The following CRMP1 variants were observed in gnomAD, a reference collection of about 807,000 sequenced individuals.
CRMP1 encodes the protein dihydropyrimidinase-related protein 1.
Under a neutral mutation model 68.3 loss-of-function variants are expected in CRMP1, and 19 were observed. The ratio of observed to expected loss-of-function variants is 0.28; its 90% CI spans 0.19 to 0.41. The LOEUF is 0.41. CRMP1 is among the 10% of genes least tolerant of loss of function. CRMP1 has a pLI of 1.00. For missense variants in CRMP1, 791 were observed against 967.4 expected (o/e 0.82, Z 2.42); for synonymous variants, 439 against 399.6 (o/e 1.10, Z -1.18).
Position 5,825,559 on chromosome 4 carries a change from G to A in CRMP1, c.1904C>T (p.Ser635Phe). 1 of 1,598,550 alleles carries A rather than the reference G, an allele frequency of 6.3e-7. No homozygotes were observed. Among genetic ancestry groups the A allele is most frequent in the Non-Finnish European group, 8.5e-7 (1 of 1,174,830 alleles). Reference sequence around the variant, plus strand: ...TGGGGGCTGGTGTTTAGAAGGCGAAGATTTGGCTGAAGGAGCGGGAGTTGC... The same window carrying A: ...TGGGGGCTGGTGTTTAGAAGGCGAAAATTTGGCTGAAGGAGCGGGAGTTGC... The part of the protein sequence containing the change: ...KYATPAPSAK[S>F]SPSKHQPPPI... The change falls in exon 13 of 14, where the codon TCT (serine) becomes TTT (phenylalanine). Residue 635 changes from serine (S) to phenylalanine (F), a missense_variant. Physicochemically the swap from Ser to Phe is radical, Grantham distance 155 (BLOSUM62 -2). Transcript: ENST00000324989. This position sits in a 1 kb window ranked among gnomAD's most constrained non-coding sequence, Gnocchi z 4.4.
At chr4:5,852,049 G>T (rs942483618) in intron 4 of CRMP1, among the ~76,000 whole-genome samples, 3 of 152,214 alleles carry the variant, frequency 2.0e-5, no homozygotes, top group Admixed American at 6.5e-5. Context: ...AGGGAGGGGT[G>T]TGGTAAGGAT....
rs531233375 is a variant in CRMP1 at position 5,881,777 on chromosome 4, C to T, written c.381+10812G>A. 1.3e-5 allele frequency among the ~76,000 whole-genome samples: 2 copies of T among 152,224 alleles called. No individual in the cohort carries two copies. Among genetic ancestry groups the T allele is most frequent in the African/African-American group, 2.4e-5 (1 of 41,540 alleles). On this transcript the variant is annotated intron_variant, in intron 1 of 13. Coordinates refer to ENST00000324989, the MANE Select transcript of CRMP1 (RefSeq NM_001014809.3). This position sits in a 1 kb window ranked among gnomAD's most constrained non-coding sequence, Gnocchi z 4.6. Reference sequence around the variant, plus strand: ...CGCTGATCAAAATTTAGCCACACATCGGCAGAGAATTTTTTTGAGTACACC... The same window carrying T: ...CGCTGATCAAAATTTAGCCACACATTGGCAGAGAATTTTTTTGAGTACACC...
intron 11 of CRMP1, 123 bp downstream of exon 11, chr4:5,835,792 A>G: frequency 8.7e-7 from 1 of 1,150,380 alleles, no homozygotes; most frequent in Non-Finnish European, 1.1e-6. Context: ...GGAATGACTG[A>G]GTCAGGCTAG....
At position 5,889,512 on chromosome 4, in the gene CRMP1, C is replaced by G. The variant is rs1715841889; in HGVS notation, c.381+3077G>C. The G allele has an allele frequency of 9.3e-6, 14 of 1,498,830 alleles. No individual in the cohort carries two copies. The highest frequency in any genetic ancestry group is 2.8e-5 in the African/African-American group (2 of 72,110). 92.8% of individuals were successfully genotyped at this position (1,498,830 alleles called of 1,614,324 possible). The stretch of plus-strand genomic sequence containing the variant: ...AGCCAGGTCACAGCTTGACAAGGTC[C>G]GTAACAGCAGAGGGGAAAAGATGAA... On this transcript the variant is annotated intron_variant, in intron 1 of 13. Coordinates refer to ENST00000324989, the MANE Select transcript of CRMP1 (RefSeq NM_001014809.3). This position sits in a 1 kb window ranked among gnomAD's most constrained non-coding sequence, Gnocchi z 4.5.
Position 5,890,380 on chromosome 4 carries a change from C to T in CRMP1, c.381+2209G>A, listed in dbSNP as rs1715883993. Among the ~76,000 whole-genome samples the T allele has an allele frequency of 6.6e-6, 1 of 152,172 alleles. No homozygotes were observed. Among genetic ancestry groups the T allele is most frequent in the South Asian group, 2.1e-4 (1 of 4,828 alleles). On this transcript the variant is annotated intron_variant, in intron 1 of 13. Coordinates refer to ENST00000324989, the MANE Select transcript of CRMP1 (RefSeq NM_001014809.3). The surrounding 1 kb of genome is among the most constrained non-coding windows in gnomAD (Gnocchi z 5.5). ...CCGGCAGCGGCAATCCTTGCGCCTG[C>T]GCCGCAGAAACCCCTCCTGCAGCCC...
In CRMP1 at chr4:5,889,752, C is replaced by T. The variant is rs577508104; in HGVS notation, c.381+2837G>A. On this transcript the variant is annotated intron_variant, in intron 1 of 13. Coordinates refer to ENST00000324989, the MANE Select transcript of CRMP1 (RefSeq NM_001014809.3). This position sits in a 1 kb window ranked among gnomAD's most constrained non-coding sequence, Gnocchi z 4.5. ...AGGGTGGCCTAGGCTTGGTACAGCT[C>T]CCCCAGCACTGTGGTTGGGGGCTGG... The T allele has an allele frequency of 5.2e-6, 8 of 1,534,686 alleles. No individual in the cohort carries two copies. In the East Asian group the frequency reaches 1.7e-4, roughly 33 times the overall value.
intron 4 of CRMP1, among the ~76,000 whole-genome samples, chr4:5,852,450 A>G (rs769477926): frequency 7.2e-5 from 11 of 152,238 alleles, no homozygotes; most frequent in Non-Finnish European, 1.3e-4. Context: ...CTTCAGGACC[A>G]AGGAAACCAG....
At chr4:5,863,634 C>A (rs7691078) in intron 2 of CRMP1, among the ~76,000 whole-genome samples, 98,281 of 151,824 alleles carry the variant, frequency 0.65, 32,818 homozygotes, top group East Asian at 0.78. Flanking sequence ...CCATCACCTC[C>A]CGGTGCAGAA....
At chr4:5,857,701 G>C (rs1713240438) in intron 3 of CRMP1, among the ~76,000 whole-genome samples, 1 of 152,134 alleles carries the variant, frequency 6.6e-6, no homozygotes, top group South Asian at 2.1e-4. Flanking sequence ...CGTACAACTA[G>C]TAAGCAGAAG....
Position 5,877,509 on chromosome 4 carries a change from C to A in CRMP1, c.382-10753G>T, listed in dbSNP as rs752461728. Among the ~76,000 whole-genome samples the A allele has an allele frequency of 2.6e-5, 4 of 152,200 alleles. No individual in the cohort carries two copies. The highest frequency in any genetic ancestry group is 5.9e-5 in the Non-Finnish European group (4 of 68,038). ...CCAGCTGCACACTCATATTTATTCACAGAAACCATCCATTTGCCTTTGATT... is the reference window on the plus strand; with the variant it reads ...CCAGCTGCACACTCATATTTATTCAAAGAAACCATCCATTTGCCTTTGATT... On this transcript the variant is annotated intron_variant, in intron 1 of 13. Transcript: ENST00000324989. The surrounding 1 kb of genome is among the most constrained non-coding windows in gnomAD (Gnocchi z 4.3).
intron 4 of CRMP1, among the ~76,000 whole-genome samples, chr4:5,852,141 T>C (rs1329306034): frequency 1.3e-5 from 2 of 152,216 alleles, no homozygotes; most frequent in Non-Finnish European, 2.9e-5. Flanking sequence ...TCCTAAAGCA[T>C]GTGCTTTTTT....
intron 6 of CRMP1, among the ~76,000 whole-genome samples, chr4:5,844,644 T>C (rs11732166): frequency 0.62 from 93,908 of 152,108 alleles, 30,362 homozygotes; most frequent in East Asian, 0.74. Context: ...CAAAAGGTGA[T>C]GGATGTGCTG....
intron 11 of CRMP1, among the ~76,000 whole-genome samples, chr4:5,830,186 G>A (rs1206683369): frequency 1.3e-5 from 2 of 152,048 alleles, no homozygotes; most frequent in Non-Finnish European, 2.9e-5. Context: ...CTATTTCTCA[G>A]GGTCTTGGCA....
chr4:5,830,418 C>G lies in CRMP1; in HGVS notation c.1624-1750G>C, dbSNP rs150996201. On this transcript the variant is annotated intron_variant, in intron 11 of 13. Coordinates refer to ENST00000324989, the MANE Select transcript of CRMP1 (RefSeq NM_001014809.3). ...AGTTTTGTGTCTTGCTTAGCAAGATCCTTTCCCCTTCAAAATTATCATTCT... is the reference window on the plus strand; with the variant it reads ...AGTTTTGTGTCTTGCTTAGCAAGATGCTTTCCCCTTCAAAATTATCATTCT... 5.4e-3 allele frequency among the ~76,000 whole-genome samples: 827 copies of G among 152,168 alleles called. 8 individuals carry two copies. The highest frequency in any genetic ancestry group is 0.019 in the African/African-American group (780 of 41,504).
chr4:5,876,405 G>A (rs1360547435), intron 1 of CRMP1, among the ~76,000 whole-genome samples: 1 of 152,046 alleles, frequency 6.6e-6, no homozygotes, highest in Non-Finnish European at 1.5e-5. Flanking sequence ...GGGTCTCAGA[G>A]GCCACGCAAA....
rs1268047801 is a variant in CRMP1 at position 5,841,457 on chromosome 4, A to G, written c.1033-29T>C. The G allele has an allele frequency of 1.9e-6, 3 of 1,611,864 alleles. No homozygotes were observed. Among genetic ancestry groups the G allele is most frequent in the Non-Finnish European group, 2.5e-6 (3 of 1,178,336 alleles). On this transcript the variant is annotated intron_variant, in intron 7 of 13. Coordinates refer to ENST00000324989, the MANE Select transcript of CRMP1 (RefSeq NM_001014809.3). This position sits in a 1 kb window ranked among gnomAD's most constrained non-coding sequence, Gnocchi z 6.9. ...AACACGGCACACACAGTGTCACAGG[A>G]GGGAAGGCTGGTGTAACAGCTACCA...
rs1265726028 is a variant in CRMP1, at chr4:5,889,205, G to T, written c.381+3384C>A. 1.3e-5 allele frequency among the ~76,000 whole-genome samples: 2 copies of T among 152,138 alleles called. No homozygotes were observed. Among genetic ancestry groups the T allele is most frequent in the African/African-American group, 4.8e-5 (2 of 41,434 alleles). ...CCCTAACTGGCAGAGGGAACAGCAG[G>T]GACAGAAGGGTACGGCCTTAATTAA... is the stretch of plus-strand genomic sequence containing the variant. On this transcript the variant is annotated intron_variant, in intron 1 of 13. Transcript: ENST00000324989. This position sits in a 1 kb window ranked among gnomAD's most constrained non-coding sequence, Gnocchi z 4.5.
At chr4:5,831,154 C>A (rs915067536) in intron 11 of CRMP1, among the ~76,000 whole-genome samples, 2 of 152,000 alleles carry the variant, frequency 1.3e-5, no homozygotes, top group East Asian at 3.9e-4. Context: ...CTCACTATGT[C>A]ACCCAGTTTG....
intron 3 of CRMP1, among the ~76,000 whole-genome samples, chr4:5,856,933 CCACCATCATCACCAT>C (rs1713130721): frequency 6.6e-6 from 1 of 150,538 alleles, no homozygotes; most frequent in South Asian, 2.1e-4. Flanking sequence ...ACCACCATCA[CCACCATCATCACCAT>C]CACCACCACC....
Sources: gnomAD v4.1 joint callset for allele counts (sites outside exome capture counted in the v4.1 genomes callset) on GRCh38, gnomAD v4.1.1 for gene constraint, Gnocchi (gnomAD v3.1) non-coding constraint, MANE v1.5 for transcripts, NCBI Gene and HGNC (gene_info 2026-07-23, HGNC 2026-07-21) for gene names.